The following CTNNA1 variants were observed in gnomAD, a reference collection of about 807,000 sequenced individuals.
CTNNA1 encodes the protein catenin alpha 1.
CTNNA1 carries 37 observed loss-of-function variants against 98.4 expected under a neutral mutation model. That is an observed-to-expected ratio of 0.38 (90% CI 0.29 to 0.49). The LOEUF (loss-of-function observed/expected upper bound fraction) is 0.49, where lower values mean the gene tolerates loss of function less well. Ranked by LOEUF, CTNNA1 falls within the 20% of genes least tolerant of loss-of-function variation. The pLI is 0.95. For synonymous variants in CTNNA1, 404 were observed against 413.2 expected, an observed-to-expected ratio of 0.98 and a Z score of 0.27; for missense variants, 761 against 1,147.2, an observed-to-expected ratio of 0.66 and a Z score of 4.86.
intron 1 of CTNNA1, among the ~76,000 whole-genome samples, chr5:138,769,535 T>C (rs537404555): frequency 1.3e-5 from 2 of 151,632 alleles, no homozygotes; most frequent in African/African-American, 4.8e-5. Flanking sequence ...TTTATTATTT[T>C]ATTTTATTTT....
chr5:138,857,980 T>C (rs1296122141), intron 7 of CTNNA1, among the ~76,000 whole-genome samples: 2 of 152,220 alleles, frequency 1.3e-5, no homozygotes, highest in African/African-American at 4.8e-5. Flanking sequence ...TTAGATTCTA[T>C]TAAATGTTTA....
intron 11 of CTNNA1, among the ~76,000 whole-genome samples, chr5:138,918,945 G>A (rs530170548): frequency 6.6e-6 from 1 of 152,278 alleles, no homozygotes; most frequent in Admixed American, 6.5e-5. Context: ...CTATATAAGG[G>A]TGACTGTGTG....
chr5:138,819,453 A>T (rs1759789336), intron 5 of CTNNA1, among the ~76,000 whole-genome samples: 1 of 152,114 alleles, frequency 6.6e-6, no homozygotes, highest in South Asian at 2.1e-4. Flanking sequence ...CTGCTCAGCC[A>T]CTGTTCTGTT....
chr5:138,853,441 C>G (rs986951489), intron 7 of CTNNA1, among the ~76,000 whole-genome samples: 1 of 151,248 alleles, frequency 6.6e-6, no homozygotes, highest in Non-Finnish European at 1.5e-5. Flanking sequence ...TTTGACATTG[C>G]GTGTGTTTTC....
intron 7 of CTNNA1, among the ~76,000 whole-genome samples, chr5:138,850,476 C>T (rs1763088949): frequency 6.6e-6 from 1 of 152,166 alleles, no homozygotes; most frequent in African/African-American, 2.4e-5. Flanking sequence ...GAGGATACTT[C>T]TATTTAACAA....
chr5:138,827,007 T>C (rs2149784085), intron 6 of CTNNA1, among the ~76,000 whole-genome samples: 1 of 152,226 alleles, frequency 6.6e-6, no homozygotes, highest in East Asian at 1.9e-4. Context: ...GGTGTTCAAC[T>C]GGCCTCAAAC....
Position 138,812,167 on chromosome 5 carries a change from C to T in CTNNA1, c.469-16C>T, listed in dbSNP as rs370088383. On this transcript the variant is annotated splice_polypyrimidine_tract_variant and intron_variant, in intron 4 of 17. Transcript: ENST00000302763. Reference sequence around the variant, plus strand: ...ATTCAGAATTTTTGGGTTTTGGGGTCTTTCTTATTTTATAGGTGGAAGATG... The same window carrying T: ...ATTCAGAATTTTTGGGTTTTGGGGTTTTTCTTATTTTATAGGTGGAAGATG... 1.2e-6 allele frequency: 2 copies of T among 1,607,132 alleles called. No homozygotes were observed. Among genetic ancestry groups the T allele is most frequent in the Non-Finnish European group, 1.7e-6 (2 of 1,177,946 alleles).
chr5:138,899,555 T>G (rs912289207), intron 9 of CTNNA1, among the ~76,000 whole-genome samples: 1 of 152,214 alleles, frequency 6.6e-6, no homozygotes, highest in Non-Finnish European at 1.5e-5. Context: ...GTTGGTCACT[T>G]ACTAGGGTTG....
chr5:138,858,594 C>CTTTTTCTTTTTCT (rs775638677), intron 7 of CTNNA1, among the ~76,000 whole-genome samples: 1 of 124,048 alleles, frequency 8.1e-6, no homozygotes, highest in South Asian at 2.4e-4. Flanking sequence ...TTTTCTTTTT[C>CTTTTTCTTTTTCT]TTTTTTTTTT....
intron 7 of CTNNA1, among the ~76,000 whole-genome samples, chr5:138,867,948 C>T (rs1042242946): frequency 3.3e-5 from 5 of 151,992 alleles, no homozygotes; most frequent in East Asian, 1.9e-4. Flanking sequence ...GACAGGGTTT[C>T]GCCTTATTGG....
chr5:138,792,365 G>A (rs1327229690), intron 3 of CTNNA1, among the ~76,000 whole-genome samples: 2 of 152,192 alleles, frequency 1.3e-5, no homozygotes, highest in East Asian at 1.9e-4. Context: ...ATTGAAGGAG[G>A]CGAAAATTGG....
At position 138,776,924 on chromosome 5, in the gene CTNNA1, A is replaced by G. The variant is rs1434429155; in HGVS notation, c.-2-4999A>G. 5.2e-3 allele frequency among the ~76,000 whole-genome samples: 618 copies of G among 119,094 alleles called. 7 individuals carry two copies. The highest frequency in any genetic ancestry group is 8.6e-3 in the Non-Finnish European group (494 of 57,460). The allele number at this position is 119,094 out of a possible 152,430, so 78.1% of individuals were successfully genotyped here. A position where few individuals can be genotyped will look rare whatever the true frequency, so the allele number is the denominator to read the frequency against. Reference sequence around the variant, plus strand: ...GCTGACCCCCCCACCTCCCTCCCGGACGGGGCGGCTGGCCGGGCGGGGGGC... The same window carrying G: ...GCTGACCCCCCCACCTCCCTCCCGGGCGGGGCGGCTGGCCGGGCGGGGGGC... On this transcript the variant is annotated intron_variant, in intron 1 of 17. Transcript: ENST00000302763.
intron 3 of CTNNA1, among the ~76,000 whole-genome samples, chr5:138,807,923 A>AT (rs1260323012): frequency 4.0e-5 from 6 of 151,254 alleles, no homozygotes; most frequent in African/African-American, 7.3e-5. Context: ...ATTTTTTTGT[A>AT]TTTTTTTAGT....
chr5:138,829,680 C>T (rs897766409), intron 7 of CTNNA1, among the ~76,000 whole-genome samples: 1 of 152,326 alleles, frequency 6.6e-6, no homozygotes, highest in Admixed American at 6.5e-5. Flanking sequence ...GACATGGAGA[C>T]TGCAGTAGCA....
chr5:138,919,064 G>A (rs1436374810), intron 11 of CTNNA1, among the ~76,000 whole-genome samples: 1 of 152,142 alleles, frequency 6.6e-6, no homozygotes, highest in African/African-American at 2.4e-5. Context: ...CAAAAAGTAG[G>A]GGGTAAACCA....
chr5:138,866,273 CATTTATTTATTTATTT>C (rs201730664), intron 7 of CTNNA1, among the ~76,000 whole-genome samples: 1,484 of 138,580 alleles, frequency 0.011, 11 homozygotes, highest in Non-Finnish European at 0.014. Context: ...TGTTGTAACT[CATTTATTTATTTATTT>C]ATTTATTTAT....
At chr5:138,862,188 C>G (rs544011225) in intron 7 of CTNNA1, among the ~76,000 whole-genome samples, 1 of 152,112 alleles carries the variant, frequency 6.6e-6, no homozygotes, top group Non-Finnish European at 1.5e-5. Context: ...GAAACATACC[C>G]TCCTGCGTGC....
chr5:138,782,182 G>A, intron 2 of CTNNA1, 153 bp downstream of exon 2: 2 of 751,560 alleles, frequency 2.7e-6, no homozygotes, highest in Non-Finnish European at 4.4e-6. Context: ...TTGATGCATG[G>A]GTTTAGTTAA....
chr5:138,802,143 A>G (rs1369980285), intron 3 of CTNNA1, among the ~76,000 whole-genome samples: 5 of 152,230 alleles, frequency 3.3e-5, no homozygotes, highest in Non-Finnish European at 7.3e-5. Flanking sequence ...TGTAAATGAC[A>G]AGAAGAAGGC....
Sources: gnomAD v4.1 joint callset for allele counts (sites outside exome capture counted in the v4.1 genomes callset) on GRCh38, gnomAD v4.1.1 for gene constraint, MANE v1.5 for transcripts, NCBI Gene and HGNC (gene_info 2026-07-23, HGNC 2026-07-21) for gene names.